Variants in ARHGEF28 observed in about 807,000 individuals in gnomAD.
ARHGEF28 encodes the protein Rho guanine nucleotide exchange factor 28, also known as 190 kDa guanine nucleotide exchange factor.
In ARHGEF28, 152 loss-of-function variants were observed where a neutral mutation model predicts 206.6. The ratio of observed to expected loss-of-function variants is 0.74; its 90% CI spans 0.64 to 0.84. The LOEUF (loss-of-function observed/expected upper bound fraction) is 0.84. Ranked by LOEUF, ARHGEF28 falls within the 40% of genes least tolerant of loss-of-function variation. The pLI is 0.00. For synonymous variants in ARHGEF28, 763 were observed against 776.4 expected, an observed-to-expected ratio of 0.98 and a Z score of 0.29; for missense variants, 2,028 against 2,073.2, an observed-to-expected ratio of 0.98 and a Z score of 0.42.
intron 28 of ARHGEF28, 70 bp from the exon 29 acceptor site, chr5:73,894,323 T>G: frequency 7.0e-7 from 1 of 1,428,074 alleles, no homozygotes; most frequent in East Asian, 2.5e-5. Flanking sequence ...AACATCTTTT[T>G]CGTGGACTTT....
chr5:73,777,177 G>A (rs1478304524), intron 6 of ARHGEF28, among the ~76,000 whole-genome samples: 1 of 151,870 alleles, frequency 6.6e-6, no homozygotes, highest in Non-Finnish European at 1.5e-5. Flanking sequence ...TCCCATCATG[G>A]TCCAAACCCC....
chr5:73,940,774 C>T (rs1257301179), intron 35 of ARHGEF28, 70 bp from the exon 36 acceptor site: 2 of 1,298,268 alleles, frequency 1.5e-6, no homozygotes, highest in Non-Finnish European at 2.0e-6. Flanking sequence ...TTAGAGAGCT[C>T]TAACGCCAAG....
intron 9 of ARHGEF28, among the ~76,000 whole-genome samples, chr5:73,807,230 G>A (rs1755565928): frequency 6.6e-6 from 1 of 151,888 alleles, no homozygotes; most frequent in East Asian, 1.9e-4. Flanking sequence ...CACCTCCAGG[G>A]CCCCTCACAT....
At chr5:73,864,171 A>G (rs2112625066) in intron 16 of ARHGEF28, among the ~76,000 whole-genome samples, 1 of 152,324 alleles carries the variant, frequency 6.6e-6, no homozygotes, top group Non-Finnish European at 1.5e-5. Flanking sequence ...TTCCATGAGG[A>G]CAGCCTCAGT....
At chr5:73,837,930 C>T (rs930661722) in intron 10 of ARHGEF28, among the ~76,000 whole-genome samples, 1 of 151,970 alleles carries the variant, frequency 6.6e-6, no homozygotes, top group Non-Finnish European at 1.5e-5. Flanking sequence ...TTAGAAGAGA[C>T]AGTTTCGCCA....
chr5:73,735,984 T>C (rs1416739042), intron 2 of ARHGEF28, among the ~76,000 whole-genome samples: 3 of 152,204 alleles, frequency 2.0e-5, no homozygotes, highest in Admixed American at 1.3e-4. Context: ...TGTGTTTGTT[T>C]AAGCTCTTCT....
intron 11 of ARHGEF28, among the ~76,000 whole-genome samples, chr5:73,843,679 G>A (rs921802578): frequency 2.0e-5 from 3 of 151,910 alleles, no homozygotes. Flanking sequence ...AGAATATTTT[G>A]GTGAAACTAA....
intron 35 of ARHGEF28, among the ~76,000 whole-genome samples, chr5:73,937,911 G>T (rs997403951): frequency 6.6e-6 from 1 of 152,020 alleles, no homozygotes; most frequent in Admixed American, 6.6e-5. Context: ...ATCACCAAAC[G>T]GTTTCTAATT....
rs187695766 is a variant in ARHGEF28, at chr5:73,679,599, G to A, written c.-11-5242G>A. On this transcript the variant is annotated intron_variant, in intron 1 of 35. Transcript: ENST00000513042. ...AAAAAAAAAAAAAGTTCTTACTATG[G>A]CATGTACTATCTATATCTGTAATCT... Among the ~76,000 whole-genome samples the A allele has an allele frequency of 3.8e-3, 572 of 151,372 alleles. 5 individuals are homozygous for A. The highest frequency in any genetic ancestry group is 0.013 in the African/African-American group (533 of 41,304).
intron 25 of ARHGEF28, among the ~76,000 whole-genome samples, chr5:73,887,161 A>G (rs12108686): frequency 0.086 from 13,146 of 152,270 alleles, 845 homozygotes; most frequent in African/African-American, 0.18. Flanking sequence ...TGCAATGAAG[A>G]TGAGTTCTTG....
At chr5:73,702,150 G>A (rs1748644448) in intron 2 of ARHGEF28, among the ~76,000 whole-genome samples, 1 of 152,114 alleles carries the variant, frequency 6.6e-6, no homozygotes, top group South Asian at 2.1e-4. Flanking sequence ...CAATTTCTTT[G>A]CATCCTTTTG....
At chr5:73,717,472 C>G (rs1749654219) in intron 2 of ARHGEF28, among the ~76,000 whole-genome samples, 1 of 152,138 alleles carries the variant, frequency 6.6e-6, no homozygotes, top group East Asian at 1.9e-4. Flanking sequence ...TCTGGGAAAT[C>G]CCTTTATATA....
chr5:73,760,946 G>C (rs1276093757), intron 4 of ARHGEF28, among the ~76,000 whole-genome samples: 2 of 152,100 alleles, frequency 1.3e-5, no homozygotes, highest in Non-Finnish European at 2.9e-5. Context: ...CCTTATACTG[G>C]AATAGAGAAT....
At chr5:73,694,960 AG>A (rs1209197171) in intron 2 of ARHGEF28, among the ~76,000 whole-genome samples, 1 of 152,264 alleles carries the variant, frequency 6.6e-6, no homozygotes, top group Non-Finnish European at 1.5e-5. Flanking sequence ...TTCAGATGGT[AG>A]TATGGGTTAG....
intron 16 of ARHGEF28, among the ~76,000 whole-genome samples, chr5:73,864,286 A>C (rs189830902): frequency 6.6e-6 from 1 of 152,354 alleles, no homozygotes; most frequent in Admixed American, 6.5e-5. Flanking sequence ...GATATAAAAC[A>C]ATGGGCACAG....
intron 9 of ARHGEF28, among the ~76,000 whole-genome samples, chr5:73,828,265 G>A (rs1757035725): frequency 6.6e-6 from 1 of 152,152 alleles, no homozygotes; most frequent in South Asian, 2.1e-4. Flanking sequence ...ATAAAGGAGT[G>A]GTGGTCCTGT....
In ARHGEF28 at chr5:73,904,496, G is replaced by A. The variant is rs1762445930; in HGVS notation, c.4161+91G>A. The stretch of plus-strand genomic sequence containing the variant: ...TCCCAGACTTTAAAAATGAGAACAA[G>A]TGAGAGGTAGGGAATGATCTTAAAA... On this transcript the variant is annotated intron_variant, in intron 33 of 35. Transcript: ENST00000513042. 3.0e-6 allele frequency: 4 copies of A among 1,322,358 alleles called. No homozygotes were observed. In the South Asian group the frequency reaches 4.1e-5, roughly 14 times the overall value. 81.9% of individuals were successfully genotyped at this position (1,322,358 alleles called of 1,614,324 possible).
At chr5:73,884,488 A>G (rs1372760154) in intron 24 of ARHGEF28, among the ~76,000 whole-genome samples, 1 of 152,218 alleles carries the variant, frequency 6.6e-6, no homozygotes, top group Non-Finnish European at 1.5e-5. Context: ...TCAATAAATA[A>G]AAACATATCA....
chr5:73,663,503 A>G (rs558402366), intron 1 of ARHGEF28, among the ~76,000 whole-genome samples: 2 of 152,306 alleles, frequency 1.3e-5, no homozygotes, highest in East Asian at 3.9e-4. Flanking sequence ...ACTGGTAACT[A>G]GCAGCTTTCT....
Sources: gnomAD v4.1 joint callset for allele counts (sites outside exome capture counted in the v4.1 genomes callset) on GRCh38, gnomAD v4.1.1 for gene constraint, MANE v1.5 for transcripts, NCBI Gene and HGNC (gene_info 2026-07-23, HGNC 2026-07-21) for gene names.